Variants in OCA2 observed in about 807,000 individuals in gnomAD.
OCA2 encodes OCA2 melanosomal transmembrane protein, also known as P protein.
OCA2 carries 77 observed loss-of-function variants against 100.2 expected under a neutral mutation model. That is an observed-to-expected ratio of 0.77 (90% CI 0.64 to 0.93). The LOEUF is 0.93. Ranked by LOEUF, OCA2 falls within the 40% of genes least tolerant of loss-of-function variation. The probability of loss-of-function intolerance (pLI) is 0.00; values close to 1 mark genes in which losing one functional copy is unlikely to be tolerated. For synonymous variants in OCA2, 432 were observed against 439.2 expected (o/e 0.98, Z 0.21); for missense variants, 1,062 against 1,089.1 (o/e 0.98, Z 0.35).
chr15:27,841,289 G>T (rs1478380697), intron 23 of OCA2, among the ~76,000 whole-genome samples: 1 of 152,224 alleles, frequency 6.6e-6, no homozygotes, highest in African/African-American at 2.4e-5. Context: ...GATTGGGGCA[G>T]GGGTAGAGGT....
intron 14 of OCA2, among the ~76,000 whole-genome samples, chr15:27,980,768 C>T (rs1010105836): frequency 3.3e-5 from 5 of 152,138 alleles, no homozygotes; most frequent in South Asian, 2.1e-4. Flanking sequence ...TCTGTTTCCT[C>T]GCCTGTAACA....
At chr15:27,872,595 T>C (rs1038574106) in intron 19 of OCA2, among the ~76,000 whole-genome samples, 1 of 152,202 alleles carries the variant, frequency 6.6e-6, no homozygotes, top group African/African-American at 2.4e-5. Flanking sequence ...CCAGCACCTC[T>C]GTGGGTGTGG....
chr15:27,798,655 T>G (rs1408214101), intron 23 of OCA2, among the ~76,000 whole-genome samples: 1 of 151,912 alleles, frequency 6.6e-6, no homozygotes, highest in Admixed American at 6.6e-5. Flanking sequence ...AAAAAAAAAC[T>G]TTCTGTCATT....
intron 2 of OCA2, 87 bp from the exon 3 acceptor site, chr15:28,032,250 G>T: frequency 2.0e-6 from 2 of 1,024,696 alleles, no homozygotes; most frequent in Non-Finnish European, 3.1e-6. Context: ...TCAAGAATGT[G>T]CCCAAGATTC....
chr15:27,946,376 A>G (rs961587203), intron 18 of OCA2, among the ~76,000 whole-genome samples: 12 of 152,234 alleles, frequency 7.9e-5, no homozygotes, highest in African/African-American at 2.9e-4. Flanking sequence ...TGCACCTCTA[A>G]CAATGGCTGA....
At chr15:27,916,475 T>TA (rs1206333492) in intron 19 of OCA2, among the ~76,000 whole-genome samples, 1 of 152,200 alleles carries the variant, frequency 6.6e-6, no homozygotes, top group East Asian at 1.9e-4. Context: ...CAGAAATTTT[T>TA]AAACATGAAT....
At chr15:27,792,588 C>T (rs2151134111) in intron 23 of OCA2, among the ~76,000 whole-genome samples, 1 of 152,246 alleles carries the variant, frequency 6.6e-6, no homozygotes, top group Non-Finnish European at 1.5e-5. Flanking sequence ...TCTATGGGGT[C>T]CATAACTTTC....
intron 19 of OCA2, among the ~76,000 whole-genome samples, chr15:27,879,797 A>G (rs28770532): frequency 0.35 from 52,814 of 151,882 alleles, 9,558 homozygotes; most frequent in Middle Eastern, 0.52. Flanking sequence ...CCCATTCTGT[A>G]GGTTGTCTGC....
At chr15:28,037,478 C>T (rs1426576814) in intron 2 of OCA2, among the ~76,000 whole-genome samples, 3 of 152,262 alleles carry the variant, frequency 2.0e-5, no homozygotes, top group South Asian at 2.1e-4. Flanking sequence ...ACAGCAGAAG[C>T]GGGTTTAGGC....
At chr15:28,071,159 T>TA (rs1318664626) in intron 2 of OCA2, among the ~76,000 whole-genome samples, 2 of 89,574 alleles carry the variant, frequency 2.2e-5, no homozygotes, top group East Asian at 5.0e-4. Context: ...GAATTATCAA[T>TA]AAAAAAATAA....
At chr15:27,923,547 T>C (rs1430331982) in intron 19 of OCA2, among the ~76,000 whole-genome samples, 3 of 152,216 alleles carry the variant, frequency 2.0e-5, no homozygotes, top group Non-Finnish European at 1.5e-5. Context: ...TCTTTAATAA[T>C]AGCTATATGA....
At chr15:28,017,809 T>A (rs2042446423) in intron 7 of OCA2, among the ~76,000 whole-genome samples, 1 of 151,588 alleles carries the variant, frequency 6.6e-6, no homozygotes, top group Non-Finnish European at 1.5e-5. Context: ...TCCAGTGGAG[T>A]CTCCGAGGCC....
intron 19 of OCA2, among the ~76,000 whole-genome samples, chr15:27,884,409 T>C (rs76852449): frequency 0.016 from 2,364 of 152,220 alleles, 52 homozygotes; most frequent in African/African-American, 0.05. Context: ...AAAATGAAAA[T>C]GCCTGTATGT....
intron 3 of OCA2, among the ~76,000 whole-genome samples, chr15:28,031,744 CA>C (rs1324764365): frequency 6.6e-6 from 1 of 152,172 alleles, no homozygotes; most frequent in African/African-American, 2.4e-5. Flanking sequence ...GTGTGACAAC[CA>C]AAAGTGTCTC....
chr15:27,913,845 A>T (rs1488398599), intron 19 of OCA2, among the ~76,000 whole-genome samples: 1 of 33,298 alleles, frequency 3.0e-5, no homozygotes, highest in South Asian at 2.1e-3. Context: ...AAAGGAAAGA[A>T]AGAAAGAAAG....
chr15:27,804,340 A>G (rs577545033), intron 23 of OCA2, among the ~76,000 whole-genome samples: 1 of 152,344 alleles, frequency 6.6e-6, no homozygotes, highest in Admixed American at 6.5e-5. Context: ...ATGGCCCCTA[A>G]GCAACATTTA....
chr15:27,997,558 C>T (rs1259130621), intron 9 of OCA2, among the ~76,000 whole-genome samples: 1 of 151,916 alleles, frequency 6.6e-6, no homozygotes, highest in Non-Finnish European at 1.5e-5. Flanking sequence ...GGTACCAGTA[C>T]CATGCTGTTT....
At chr15:28,095,501 G>A (rs953156932) in intron 1 of OCA2, among the ~76,000 whole-genome samples, 3 of 152,182 alleles carry the variant, frequency 2.0e-5, no homozygotes, top group African/African-American at 7.2e-5. Flanking sequence ...CGGATCACTT[G>A]AGGTCAGGAG....
the OCA2 span, among the ~76,000 whole-genome samples, chr15:27,741,010 C>T: frequency 6.6e-6 from 1 of 152,216 alleles, no homozygotes; most frequent in African/African-American, 2.4e-5. Flanking sequence ...GAAGGCTCAG[C>T]AGCATTTCCA....
Sources: allele counts gnomAD v4.1 joint callset (sites outside exome capture counted in the v4.1 genomes callset), GRCh38; gene constraint gnomAD v4.1.1; transcripts MANE v1.5; gene names NCBI Gene and HGNC (gene_info 2026-07-23, HGNC 2026-07-21).